The following PTPRN2 variants were observed in gnomAD, a reference collection of about 807,000 sequenced individuals.
The protein encoded by PTPRN2 is protein tyrosine phosphatase receptor type N2, also known as receptor-type tyrosine-protein phosphatase N2.
A neutral mutation model predicts 118.8 loss-of-function variants in PTPRN2; 74 were observed. The observed-to-expected ratio is 0.62, with a 90% confidence interval of 0.52 to 0.76. The LOEUF is 0.76. Among genes scored for constraint, PTPRN2 ranks in the 30% least tolerant of loss-of-function variants. PTPRN2 has a pLI of 0.00. For synonymous variants in PTPRN2, 641 were observed against 608.0 expected (o/e 1.05, Z -0.80); for missense variants, 1,481 against 1,394.4 (o/e 1.06, Z -0.99).
chr7:157,743,890 T>C (rs191298810), intron 12 of PTPRN2, among the ~76,000 whole-genome samples: 1 of 152,366 alleles, frequency 6.6e-6, no homozygotes, highest in Admixed American at 6.5e-5. Context: ...GTGAAAGTGC[T>C]GCCCCATTTC....
chr7:157,606,197 G>C (rs1263953797), intron 15 of PTPRN2, among the ~76,000 whole-genome samples: 1 of 152,250 alleles, frequency 6.6e-6, no homozygotes, highest in African/African-American at 2.4e-5. Flanking sequence ...TTTGCTCCAA[G>C]ATCAGCATGG....
At chr7:158,268,979 C>A (rs548723878) in intron 3 of PTPRN2, among the ~76,000 whole-genome samples, 43 of 152,320 alleles carry the variant, frequency 2.8e-4, no homozygotes, top group African/African-American at 9.9e-4. Context: ...AAAGCCGTTG[C>A]CGGGCCTGAA....
intron 5 of PTPRN2, 143 bp downstream of exon 5, chr7:158,192,183 AC>A (rs2150704427): frequency 1.0e-6 from 1 of 977,190 alleles, no homozygotes; most frequent in South Asian, 2.8e-5. Flanking sequence ...CCCCAGGAAC[AC>A]CGAAGCCCTG....
At chr7:158,176,081 G>A (rs913334561) in intron 5 of PTPRN2, among the ~76,000 whole-genome samples, 12 of 152,072 alleles carry the variant, frequency 7.9e-5, no homozygotes, top group East Asian at 1.9e-4. Flanking sequence ...TACTTTGCCC[G>A]CCACTCTTCC....
rs1193713364 is a variant in PTPRN2, at chr7:158,438,413, G to A, written c.163+51322C>T. ...TTTTATTTTTAATTGACAAATAATT[G>A]TACATATTTATGGGCTACGGTGTGA... On this transcript the variant is annotated intron_variant, in intron 2 of 22. Transcript: ENST00000389418. This position sits in a 1 kb window ranked among gnomAD's most constrained non-coding sequence, Gnocchi z 4.7. 6.6e-6 allele frequency among the ~76,000 whole-genome samples: 1 copy of A among 151,732 alleles called. No homozygotes were observed. The highest frequency in any genetic ancestry group is 1.9e-4 in the East Asian group (1 of 5,184).
chr7:158,274,362 G>T (rs1586086479), intron 3 of PTPRN2, among the ~76,000 whole-genome samples: 1 of 80,566 alleles, frequency 1.2e-5, no homozygotes, highest in Non-Finnish European at 2.5e-5. Flanking sequence ...AGACACAGGG[G>T]GAGCCGCAGA....
At chr7:158,391,900 C>A (rs1390978700) in intron 2 of PTPRN2, among the ~76,000 whole-genome samples, 2 of 152,232 alleles carry the variant, frequency 1.3e-5, no homozygotes, top group African/African-American at 2.4e-5. Context: ...AGATTTGCCA[C>A]CTGGGATGAC....
chr7:158,238,255 T>C (rs1429407211), intron 3 of PTPRN2, among the ~76,000 whole-genome samples: 1 of 152,000 alleles, frequency 6.6e-6, no homozygotes, highest in African/African-American at 2.4e-5. Flanking sequence ...CAGCTGGGCC[T>C]GGAGAGGAGC....
chr7:157,736,444 T>C (rs544522729), intron 12 of PTPRN2, among the ~76,000 whole-genome samples: 1 of 151,532 alleles, frequency 6.6e-6, no homozygotes, highest in South Asian at 2.1e-4. Flanking sequence ...ACAAGAAGAG[T>C]GAGAGACACC....
rs1687577152 is a variant in PTPRN2, at chr7:157,764,992, T to C, written c.1789-82055A>G. On this transcript the variant is annotated intron_variant, in intron 12 of 22. Transcript: ENST00000389418. The surrounding 1 kb of genome is among the most constrained non-coding windows in gnomAD (Gnocchi z 4.5). ...CCATCCATCTACCCATCCACTTTCA[T>C]CCATCCAACCATCCATCATTCTTCC... Among the ~76,000 whole-genome samples the C allele has an allele frequency of 7.0e-6, 1 of 143,804 alleles. No homozygotes were observed. Among genetic ancestry groups the C allele is most frequent in the African/African-American group, 2.6e-5 (1 of 38,502 alleles). 94.3% of individuals were successfully genotyped at this position (143,804 alleles called of 152,430 possible). A position where few individuals can be genotyped will look rare whatever the true frequency, so the allele number is the denominator to read the frequency against.
At chr7:157,920,417 G>A (rs535963345) in intron 11 of PTPRN2, among the ~76,000 whole-genome samples, 72 of 152,308 alleles carry the variant, frequency 4.7e-4, no homozygotes, top group African/African-American at 1.6e-3. Context: ...ACAAGGACAC[G>A]CTTGGCAATC....
At chr7:157,942,591 G>A (rs939544464) in intron 11 of PTPRN2, among the ~76,000 whole-genome samples, 2 of 152,064 alleles carry the variant, frequency 1.3e-5, no homozygotes, top group Admixed American at 6.5e-5. Context: ...GGAGCTGGTG[G>A]AATATGACTC....
At chr7:158,168,537 C>A (rs1416162599) in intron 5 of PTPRN2, among the ~76,000 whole-genome samples, 1 of 152,248 alleles carries the variant, frequency 6.6e-6, no homozygotes, top group Non-Finnish European at 1.5e-5. Context: ...TCAGCAGAGG[C>A]CTCAAGTGCC....
rs369205864 is a variant in PTPRN2 at position 157,555,272 on chromosome 7, GT to G, written c.2903-6254del. ...AAATACATTTGTAAGACAACAGAGG[GT>G]TTTTTTTTAGCTTTAGATAAAAAAT... On this transcript the variant is annotated intron_variant, in intron 21 of 22. Coordinates refer to ENST00000389418, the MANE Select transcript of PTPRN2 (RefSeq NM_002847.5). 2.6e-3 allele frequency among the ~76,000 whole-genome samples: 397 copies of G among 151,456 alleles called. 3 individuals are homozygous for G. The highest frequency in any genetic ancestry group is 8.9e-3 in the African/African-American group (367 of 41,260).
At chr7:157,912,339 T>C (rs937523811) in intron 11 of PTPRN2, among the ~76,000 whole-genome samples, 2 of 152,226 alleles carry the variant, frequency 1.3e-5, no homozygotes, top group Non-Finnish European at 2.9e-5. Flanking sequence ...GAAATTTTTG[T>C]TTTGCCCATT....
chr7:157,852,843 C>T (rs1053922708), intron 12 of PTPRN2, among the ~76,000 whole-genome samples: 5 of 138,074 alleles, frequency 3.6e-5, no homozygotes, highest in East Asian at 2.1e-4. Flanking sequence ...CACTCCAGCT[C>T]GGCAACACAG....
chr7:158,152,441 G>T (rs1225746712), intron 6 of PTPRN2, among the ~76,000 whole-genome samples: 1 of 152,156 alleles, frequency 6.6e-6, no homozygotes, highest in Non-Finnish European at 1.5e-5. Flanking sequence ...GTGTTGGGTT[G>T]GAAGAACAGA....
At chr7:158,112,747 G>A (rs1816389660) in intron 9 of PTPRN2, among the ~76,000 whole-genome samples, 2 of 152,216 alleles carry the variant, frequency 1.3e-5, no homozygotes, top group South Asian at 4.2e-4. Context: ...TCCAGGCTGG[G>A]TGCTGAGGGC....
At chr7:157,982,469 G>A (rs1317543069) in intron 11 of PTPRN2, among the ~76,000 whole-genome samples, 1 of 133,970 alleles carries the variant, frequency 7.5e-6, no homozygotes, top group Non-Finnish European at 1.6e-5. Flanking sequence ...CAAACCCTGA[G>A]TCATAGAGAT....
Sources: gnomAD v4.1 joint callset for allele counts (sites outside exome capture counted in the v4.1 genomes callset) on GRCh38, gnomAD v4.1.1 for gene constraint, Gnocchi (gnomAD v3.1) non-coding constraint, MANE v1.5 for transcripts, NCBI Gene and HGNC (gene_info 2026-07-23, HGNC 2026-07-21) for gene names.